Variants in TTLL9 observed in about 807,000 individuals in gnomAD.
TTLL9 encodes tubulin tyrosine ligase like 9.
TTLL9 carries 47 observed loss-of-function variants against 65.6 expected under a neutral mutation model. The ratio of observed to expected loss-of-function variants is 0.72; its 90% CI spans 0.57 to 0.91. The LOEUF (loss-of-function observed/expected upper bound fraction) is 0.91, where lower values mean the gene tolerates loss of function less well. Among genes scored for constraint, TTLL9 ranks in the 40% least tolerant of loss-of-function variants. TTLL9 has a pLI of 0.00. For synonymous variants in TTLL9, 179 were observed against 204.8 expected (o/e 0.87, Z 1.07); for missense variants, 537 against 568.8 (o/e 0.94, Z 0.57).
At chr20:31,897,259 G>A (rs1275994949) in intron 3 of TTLL9, among the ~76,000 whole-genome samples, 1 of 152,160 alleles carries the variant, frequency 6.6e-6, no homozygotes, top group East Asian at 1.9e-4. Context: ...TGTAGTAATT[G>A]TGCTTTTTGA....
intron 2 of TTLL9, among the ~76,000 whole-genome samples, chr20:31,874,754 G>C (rs561376285): frequency 3.3e-5 from 5 of 152,274 alleles, no homozygotes; most frequent in African/African-American, 9.6e-5. Context: ...ATTCAGAGGG[G>C]CCCAACATAA....
intron 4 of TTLL9, among the ~76,000 whole-genome samples, chr20:31,908,204 C>T (rs528851166): frequency 2.4e-3 from 360 of 148,602 alleles, no homozygotes; most frequent in Non-Finnish European, 3.8e-3. Flanking sequence ...GCGGGCTGCA[C>T]GCGTGGCAAC....
At chr20:31,882,756 A>G (rs2123396057) in intron 2 of TTLL9, among the ~76,000 whole-genome samples, 1 of 152,316 alleles carries the variant, frequency 6.6e-6, no homozygotes, top group Admixed American at 6.5e-5. Flanking sequence ...GCAATATGAC[A>G]GATGAGATTT....
chr20:31,890,014 CTTT>C (rs1166622322), intron 3 of TTLL9, among the ~76,000 whole-genome samples: 68 of 145,184 alleles, frequency 4.7e-4, no homozygotes, highest in African/African-American at 1.7e-3. Context: ...TTCTTTCTTT[CTTT>C]CTTTCTTTCT....
chr20:31,937,481 A>G lies in TTLL9; in HGVS notation c.1090A>G (p.Thr364Ala), dbSNP rs761308678. 2.5e-6 allele frequency: 4 copies of G among 1,613,644 alleles called. No individual in the cohort carries two copies. Among genetic ancestry groups the G allele is most frequent in the Non-Finnish European group, 3.4e-6 (4 of 1,179,784 alleles). ...GCTCAAGACCTGCCTCCTGGAAGAC[A>G]CCCTGCATGTTGTGGACATGGAAGC... ...YELKTCLLEDTLHVVDMEARL... is the reference protein window; with the variant it reads ...YELKTCLLEDALHVVDMEARL... The change falls in exon 13 of 15, where the codon ACC (threonine) becomes GCC (alanine). Residue 364 changes from threonine to alanine, a missense_variant. Transcript: ENST00000535842.
Position 31,891,925 on chromosome 20 carries a change from C to A in TTLL9, c.113+4686C>A, listed in dbSNP as rs185951587. Reference sequence around the variant, plus strand: ...TCAAGCAATTCTCCTGCCTCGGCCTCCCGAGTAGCTGGGATTACAGGCATG... The same window carrying A: ...TCAAGCAATTCTCCTGCCTCGGCCTACCGAGTAGCTGGGATTACAGGCATG... On this transcript the variant is annotated intron_variant, in intron 3 of 14. Transcript: ENST00000535842. Among the ~76,000 whole-genome samples the A allele has an allele frequency of 1.1e-4, 16 of 152,106 alleles. 1 individual carries two copies. The highest frequency in any genetic ancestry group is 1.0e-3 in the Admixed American group (16 of 15,272).
intron 12 of TTLL9, among the ~76,000 whole-genome samples, chr20:31,935,325 C>T (rs115009810): frequency 3.9e-4 from 59 of 152,288 alleles, no homozygotes; most frequent in African/African-American, 1.3e-3. Context: ...GTTGAGCTGA[C>T]GAATAGAACA....
chr20:31,939,800 G>C (rs1354435208), intron 14 of TTLL9: 1 of 152,284 alleles, frequency 6.6e-6, no homozygotes, highest in Non-Finnish European at 1.5e-5. Flanking sequence ...TGATATCCAG[G>C]TGCTATGTAA....
intron 4 of TTLL9, among the ~76,000 whole-genome samples, chr20:31,899,889 C>A (rs898082858): frequency 6.6e-6 from 1 of 151,982 alleles, no homozygotes; most frequent in Non-Finnish European, 1.5e-5. Context: ...CTCAGCCTCC[C>A]GAGTAGGACT....
chr20:31,894,454 T>G (rs893035998), intron 3 of TTLL9, among the ~76,000 whole-genome samples: 1 of 151,952 alleles, frequency 6.6e-6, no homozygotes, highest in African/African-American at 2.4e-5. Context: ...TTCCCATAAA[T>G]CCTATAACAT....
chr20:31,942,846 C>G, intron 14 of TTLL9, 99 bp from the exon 15 acceptor site: 1 of 1,167,976 alleles, frequency 8.6e-7, no homozygotes. Context: ...GGTTGTCTGA[C>G]TCCCGCTGTC....
chr20:31,898,336 C>T, intron 3 of TTLL9, 137 bp from the exon 4 acceptor site: 1 of 648,246 alleles, frequency 1.5e-6, no homozygotes, highest in Non-Finnish European at 2.7e-6. Context: ...TTATCATGCT[C>T]TAATGCTAAA....
At chr20:31,929,445 G>C (rs2063967542) in intron 10 of TTLL9, among the ~76,000 whole-genome samples, 1 of 152,190 alleles carries the variant, frequency 6.6e-6, no homozygotes, top group African/African-American at 2.4e-5. Flanking sequence ...TTTTCTAGCA[G>C]AAACTTCTTA....
intron 13 of TTLL9, among the ~76,000 whole-genome samples, chr20:31,937,898 T>C (rs2064140745): frequency 6.6e-6 from 1 of 151,538 alleles, no homozygotes; most frequent in Admixed American, 6.6e-5. Flanking sequence ...AGTGCTTAGC[T>C]AACAGTAAGT....
In TTLL9 at chr20:31,944,941, T is replaced by G. The variant is rs1167509868; in HGVS notation, c.*1920T>G. The G allele has an allele frequency of 1.3e-5, 2 of 152,182 alleles. No individual in the cohort carries two copies. The highest frequency in any genetic ancestry group is 2.9e-5 in the Non-Finnish European group (2 of 68,052). 9.4% of individuals were successfully genotyped at this position (152,182 alleles called of 1,614,324 possible). A position where few individuals can be genotyped will look rare whatever the true frequency, so the allele number is the denominator to read the frequency against. On this transcript the variant is annotated 3_prime_UTR_variant, in exon 15 of 15. Transcript: ENST00000535842. ...TTACTGAAGGACTAGATGAGGCAAA[T>G]AAAGACTAGTTGCTGCTATTCATTC...
At chr20:31,898,357 C>G (rs1015511208) in intron 3 of TTLL9, 116 bp from the exon 4 acceptor site, 1 of 736,586 alleles carries the variant, frequency 1.4e-6, no homozygotes, top group African/African-American at 1.7e-5. Context: ...TTCTGAAATA[C>G]AGTGTGGAAC....
intron 9 of TTLL9, chr20:31,925,726 G>A: frequency 1.5e-6 from 1 of 675,736 alleles, no homozygotes; most frequent in Admixed American, 2.4e-5. Flanking sequence ...GAAGCCTGGT[G>A]TAAAAGCAGG....
intron 3 of TTLL9, among the ~76,000 whole-genome samples, chr20:31,893,197 G>A (rs755804390): frequency 6.6e-6 from 1 of 151,850 alleles, no homozygotes; most frequent in Non-Finnish European, 1.5e-5. Flanking sequence ...TATAGAATTC[G>A]AGGTTGATCT....
At chr20:31,933,747 G>A (rs1443172802) in intron 10 of TTLL9, 53 bp from the exon 11 acceptor site, 13 of 1,576,612 alleles carry the variant, frequency 8.2e-6, no homozygotes, top group Non-Finnish European at 1.1e-5. Flanking sequence ...ACTTCGTGGG[G>A]CAGAGCTCAC....
Sources: gnomAD v4.1 joint callset for allele counts (sites outside exome capture counted in the v4.1 genomes callset) on GRCh38, gnomAD v4.1.1 for gene constraint, MANE v1.5 for transcripts, NCBI Gene and HGNC (gene_info 2026-07-23, HGNC 2026-07-21) for gene names.